KDM4C: variants seen among roughly 807,000 people sequenced by gnomAD.
KDM4C encodes the protein lysine-specific demethylase 4C.
Under a neutral mutation model 129.3 loss-of-function variants are expected in KDM4C, and 81 were observed. The ratio of observed to expected loss-of-function variants is 0.63; its 90% CI spans 0.52 to 0.75. The LOEUF (loss-of-function observed/expected upper bound fraction) is 0.75. KDM4C is among the 30% of genes least tolerant of loss of function. The pLI, the probability that KDM4C is intolerant of heterozygous loss-of-function variation, is 0.00. For missense variants in KDM4C, 1,457 were observed against 1,304.0 expected (o/e 1.12, Z -1.81); for synonymous variants, 573 against 456.1 (o/e 1.26, Z -3.26).
At chr9:6,945,130 C>A (rs755533014) in intron 8 of KDM4C, among the ~76,000 whole-genome samples, 1 of 152,074 alleles carries the variant, frequency 6.6e-6, no homozygotes, top group Non-Finnish European at 1.5e-5. Flanking sequence ...CTGCACGAAC[C>A]CGTGGACCCG....
At chr9:7,140,626 T>C (rs890354167) in intron 19 of KDM4C, among the ~76,000 whole-genome samples, 2 of 152,176 alleles carry the variant, frequency 1.3e-5, no homozygotes. Flanking sequence ...ATGGATTCTC[T>C]AGTCAAGAAA....
At chr9:7,037,916 T>C (rs1351364712) in intron 15 of KDM4C, among the ~76,000 whole-genome samples, 1 of 152,132 alleles carries the variant, frequency 6.6e-6, no homozygotes, top group Non-Finnish European at 1.5e-5. Flanking sequence ...AATCATTTTA[T>C]GCTGGGTGTT....
intron 2 of KDM4C, among the ~76,000 whole-genome samples, chr9:6,803,494 C>T (rs1023563306): frequency 8.6e-5 from 13 of 150,476 alleles, no homozygotes; most frequent in African/African-American, 2.2e-4. Context: ...CGCTTGACCC[C>T]GGGAGGTGGA....
intron 8 of KDM4C, among the ~76,000 whole-genome samples, chr9:6,904,599 T>C (rs959876928): frequency 3.3e-5 from 5 of 152,200 alleles, no homozygotes; most frequent in Non-Finnish European, 7.3e-5. Flanking sequence ...TCTTTGTTGA[T>C]GGGCTGTGTC....
chr9:6,744,969 TTCC>T (rs1013651019), intron 1 of KDM4C, among the ~76,000 whole-genome samples: 1 of 152,108 alleles, frequency 6.6e-6, no homozygotes, highest in African/African-American at 2.4e-5. Flanking sequence ...GCCAGCCCTC[TTCC>T]TCCTCCTATT....
At chr9:6,984,134 C>A in intron 9 of KDM4C, 32 bp from the exon 10 acceptor site, 2 of 1,436,562 alleles carry the variant, frequency 1.4e-6, no homozygotes, top group Non-Finnish European at 2.0e-6. Flanking sequence ...TTGCAGACAT[C>A]CCGCTCTGAC....
At chr9:6,741,620 C>G (rs1368626123) in intron 1 of KDM4C, among the ~76,000 whole-genome samples, 1 of 138,042 alleles carries the variant, frequency 7.2e-6, no homozygotes, top group African/African-American at 2.7e-5. Context: ...CTAAGCATGT[C>G]TTTATTTCAT....
At chr9:6,848,588 G>T (rs182130379) in intron 4 of KDM4C, among the ~76,000 whole-genome samples, 8 of 152,174 alleles carry the variant, frequency 5.3e-5, no homozygotes, top group African/African-American at 1.4e-4. Context: ...AGAATTGCTC[G>T]AACCTGGGAG....
At chr9:7,056,350 CAA>C (rs60009675) in intron 17 of KDM4C, among the ~76,000 whole-genome samples, 1 of 147,496 alleles carries the variant, frequency 6.8e-6, no homozygotes, top group African/African-American at 2.5e-5. Context: ...AAGTGTAGTG[CAA>C]AAAAAAAAAA....
intron 2 of KDM4C, among the ~76,000 whole-genome samples, chr9:6,797,390 G>A (rs1234024150): frequency 6.6e-6 from 1 of 152,190 alleles, no homozygotes; most frequent in African/African-American, 2.4e-5. Flanking sequence ...TCAGATGACA[G>A]TCTGTCTTGG....
At chr9:7,022,354 G>A (rs919463085) in intron 15 of KDM4C, among the ~76,000 whole-genome samples, 2 of 151,840 alleles carry the variant, frequency 1.3e-5, no homozygotes, top group African/African-American at 4.8e-5. Flanking sequence ...AGTTTTCATT[G>A]TAGAGATCTT....
At chr9:6,754,048 G>C (rs1351980130), upstream of KDM4C, among the ~76,000 whole-genome samples, 9 of 150,594 alleles carry the variant, frequency 6.0e-5, no homozygotes, top group Non-Finnish European at 1.2e-4. Context: ...CTAATTTTTT[G>C]TATTTTTAGT....
chr9:6,735,270 A>G (rs1817491712), intron 1 of KDM4C, among the ~76,000 whole-genome samples: 1 of 151,832 alleles, frequency 6.6e-6, no homozygotes, highest in African/African-American at 2.4e-5. Context: ...GTCTGGTAGG[A>G]AAATGGACAC....
At chr9:7,073,703 T>A (rs981741128) in intron 17 of KDM4C, among the ~76,000 whole-genome samples, 1 of 152,266 alleles carries the variant, frequency 6.6e-6, no homozygotes, top group Non-Finnish European at 1.5e-5. Context: ...AGATATAGGC[T>A]GCAGGTGAAT....
intron 17 of KDM4C, chr9:7,076,905 T>C: frequency 2.0e-6 from 2 of 987,840 alleles, no homozygotes; most frequent in African/African-American, 3.5e-5. Context: ...TCCTGTAGCA[T>C]GGAGGCATTA....
At chr9:6,809,772 G>C (rs1048306591) in intron 3 of KDM4C, among the ~76,000 whole-genome samples, 1 of 152,178 alleles carries the variant, frequency 6.6e-6, no homozygotes, top group Admixed American at 6.5e-5. Context: ...GCCGAGGTAG[G>C]TGGAATGCTT....
intron 1 of KDM4C, among the ~76,000 whole-genome samples, chr9:6,791,023 A>G (rs1049811336): frequency 2.0e-5 from 3 of 152,168 alleles, no homozygotes; most frequent in African/African-American, 7.2e-5. Flanking sequence ...TCTGCTGCCT[A>G]GAGTGCCCTT....
intron 1 of KDM4C, among the ~76,000 whole-genome samples, chr9:6,728,587 C>T (rs1817220576): frequency 6.6e-6 from 1 of 151,494 alleles, no homozygotes; most frequent in Admixed American, 6.6e-5. Context: ...TGGCTCATGC[C>T]TGTAATACCA....
intron 5 of KDM4C, among the ~76,000 whole-genome samples, chr9:6,850,277 C>G (rs1411265307): frequency 1.3e-5 from 2 of 152,058 alleles, no homozygotes; most frequent in Admixed American, 6.6e-5. Context: ...ATTTTGTGAA[C>G]CATGAATTGA....
Sources: gnomAD v4.1 joint callset for allele counts (sites outside exome capture counted in the v4.1 genomes callset) on GRCh38, gnomAD v4.1.1 for gene constraint, MANE v1.5 for transcripts, NCBI Gene and HGNC (gene_info 2026-07-23, HGNC 2026-07-21) for gene names.